The following UTS2B variants were observed in gnomAD, a reference collection of about 807,000 sequenced individuals.
UTS2B encodes the protein urotensin 2B.
In UTS2B, 21 loss-of-function variants were observed where a neutral mutation model predicts 19.2. That is an observed-to-expected ratio of 1.09 (90% confidence interval 0.78 to 1.58). The LOEUF (loss-of-function observed/expected upper bound fraction) is 1.58, where lower values mean the gene tolerates loss of function less well. Among genes scored for constraint, UTS2B ranks in the 40% most tolerant of loss-of-function variants. UTS2B has a pLI of 0.00. For synonymous variants in UTS2B, 57 were observed against 50.2 expected (o/e 1.14, Z -0.58); for missense variants, 138 against 130.3 (o/e 1.06, Z -0.29).
At chr3:191,341,767 AG>A in the UTS2B span, among the ~76,000 whole-genome samples, 3 of 152,248 alleles carry the variant, frequency 2.0e-5, no homozygotes, top group Non-Finnish European at 4.4e-5. Context: ...GGAGAGCCAA[AG>A]GGTTGACAGA....
intron 4 of UTS2B, among the ~76,000 whole-genome samples, chr3:191,293,538 C>G (rs1716772603): frequency 6.6e-6 from 1 of 151,426 alleles, no homozygotes; most frequent in African/African-American, 2.5e-5. Flanking sequence ...TCATAATATT[C>G]CTTTGTAACT....
At chr3:191,268,466 T>G in intron 8 of UTS2B, 25 bp from the exon 9 acceptor site, 2 of 1,507,028 alleles carry the variant, frequency 1.3e-6, no homozygotes, top group Non-Finnish European at 1.8e-6. Flanking sequence ...AAAATACATT[T>G]TTTATTAGAA....
intron 4 of UTS2B, among the ~76,000 whole-genome samples, chr3:191,283,019 C>T (rs10937470): frequency 0.51 from 76,835 of 151,558 alleles, 21,174 homozygotes; most frequent in Middle Eastern, 0.63. Context: ...TAATGACCTC[C>T]GATCTTGGCA....
intron 3 of UTS2B, among the ~76,000 whole-genome samples, 156 bp from the exon 4 acceptor site, chr3:191,304,704 G>A (rs1402277855): frequency 1.3e-5 from 2 of 152,088 alleles, no homozygotes; most frequent in African/African-American, 4.8e-5. Flanking sequence ...ACATGTGCAG[G>A]ATGTGCAGGT....
chr3:191,329,853 G>A (rs900370429), intron 1 of UTS2B: 15 of 772,182 alleles, frequency 1.9e-5, no homozygotes, highest in East Asian at 3.8e-5. Flanking sequence ...GGCCTTGCCC[G>A]GACGTGAAAG....
chr3:191,327,885 T>A (rs560590728), intron 2 of UTS2B, among the ~76,000 whole-genome samples: 1 of 152,340 alleles, frequency 6.6e-6, no homozygotes, highest in Admixed American at 6.5e-5. Flanking sequence ...ACCTTTCTAA[T>A]ACCACTTCCT....
upstream of UTS2B, among the ~76,000 whole-genome samples, chr3:191,332,119 G>A (rs376857688): frequency 6.6e-6 from 1 of 152,216 alleles, no homozygotes; most frequent in Non-Finnish European, 1.5e-5. Context: ...TTTAGGAGGG[G>A]ATGGGGCACC....
At chr3:191,342,627 G>T in the UTS2B span, among the ~76,000 whole-genome samples, 1 of 152,156 alleles carries the variant, frequency 6.6e-6, no homozygotes, top group Non-Finnish European at 1.5e-5. Flanking sequence ...GAGGTTTAAG[G>T]AGATGGGTGG....
At chr3:191,318,090 C>A in intron 2 of UTS2B, among the ~76,000 whole-genome samples, 1 of 152,192 alleles carries the variant, frequency 6.6e-6, no homozygotes. Flanking sequence ...TAATGTCGTA[C>A]TGCAGGAGGG....
At chr3:191,320,542 C>T (rs921231942) in intron 2 of UTS2B, among the ~76,000 whole-genome samples, 10 of 152,186 alleles carry the variant, frequency 6.6e-5, no homozygotes, top group Admixed American at 5.2e-4. Context: ...ACTCTGGCTT[C>T]TGTGTCAGTA....
intron 2 of UTS2B, among the ~76,000 whole-genome samples, chr3:191,327,694 C>T (rs1191910468): frequency 6.6e-6 from 1 of 152,178 alleles, no homozygotes; most frequent in Non-Finnish European, 1.5e-5. Context: ...CAGGAAGCCA[C>T]AGGTCAAAGG....
intron 4 of UTS2B, chr3:191,294,605 C>T (rs1400260322): frequency 6.6e-6 from 1 of 151,890 alleles, no homozygotes. Context: ...AAGGTCCATC[C>T]TATCAAGGAT....
chr3:191,291,357 T>C (rs1048867128), intron 4 of UTS2B, among the ~76,000 whole-genome samples: 1 of 152,228 alleles, frequency 6.6e-6, no homozygotes, highest in Non-Finnish European at 1.5e-5. Flanking sequence ...TTTTGAGTAC[T>C]ATAAGAAACT....
chr3:191,330,296 AACACAC>A (rs3048670), intron 1 of UTS2B, 112 bp downstream of exon 1: 5,976 of 137,072 alleles, frequency 0.044, 143 homozygotes, highest in Non-Finnish European at 0.058. Context: ...TTACAAACAA[AACACAC>A]ACACACACAC....
At chr3:191,282,037 TAGA>T (rs775773990) in intron 5 of UTS2B, 47 bp downstream of exon 5, 3 of 1,290,250 alleles carry the variant, frequency 2.3e-6, no homozygotes, top group Non-Finnish European at 3.3e-6. Context: ...CAAATAGAAA[TAGA>T]AGAATTACTT....
upstream of UTS2B, among the ~76,000 whole-genome samples, chr3:191,331,020 T>C (rs1483003163): frequency 2.0e-5 from 3 of 152,234 alleles, no homozygotes; most frequent in African/African-American, 7.2e-5. Context: ...AAAACAGTTT[T>C]CACTCTGCTG....
At chr3:191,344,643 A>G in the UTS2B span, among the ~76,000 whole-genome samples, 2 of 152,164 alleles carry the variant, frequency 1.3e-5, no homozygotes, top group Admixed American at 6.5e-5. Flanking sequence ...CAGTAGCACA[A>G]TCTCAGCTCA....
At chr3:191,306,944 T>C (rs1453238366) in intron 3 of UTS2B, among the ~76,000 whole-genome samples, 1 of 152,170 alleles carries the variant, frequency 6.6e-6, no homozygotes, top group Admixed American at 6.5e-5. Context: ...GAGGGGAAAT[T>C]TTAATGTTTG....
At position 191,282,273 on chromosome 3, in the gene UTS2B, G is replaced by C. The variant is rs1386791265; in HGVS notation, c.-84C>G. 9.9e-7 allele frequency: 1 copy of C among 1,010,510 alleles called. No individual in the cohort carries two copies. The highest frequency in any genetic ancestry group is 1.5e-6 in the Non-Finnish European group (1 of 687,902). 62.6% of individuals were successfully genotyped at this position (1,010,510 alleles called of 1,614,324 possible). ...TTCTATAGCTTTGGAATTCAGTAGA[G>C]CTTAGTTGCAAAAGGCAAGTGTGCC... On this transcript the variant is annotated 5_prime_UTR_variant, in exon 5 of 9. Coordinates refer to ENST00000340524, the MANE Select transcript of UTS2B (RefSeq NM_198152.5).
Sources: allele counts gnomAD v4.1 joint callset (sites outside exome capture counted in the v4.1 genomes callset), GRCh38; gene constraint gnomAD v4.1.1; transcripts MANE v1.5; gene names NCBI Gene and HGNC (gene_info 2026-07-23, HGNC 2026-07-21).